Variants in FGF12 observed in about 807,000 individuals in gnomAD.
FGF12 encodes fibroblast growth factor 12.
FGF12 carries 14 observed loss-of-function variants against 23.6 expected under a neutral mutation model. The ratio of observed to expected loss-of-function variants is 0.59; its 90% CI spans 0.39 to 0.93. The LOEUF is 0.93. Among genes scored for constraint, FGF12 ranks in the 40% least tolerant of loss-of-function variants. FGF12 has a pLI of 0.00. For missense variants in FGF12, 175 were observed against 217.8 expected, an observed-to-expected ratio of 0.80 and a Z score of 1.24; for synonymous variants, 62 against 77.3, an observed-to-expected ratio of 0.80 and a Z score of 1.04.
At chr3:192,449,706 C>T (rs1423305613) in intron 2 of FGF12, among the ~76,000 whole-genome samples, 1 of 152,180 alleles carries the variant, frequency 6.6e-6, no homozygotes, top group Non-Finnish European at 1.5e-5. Context: ...GAGGGCAACA[C>T]CTCCCTATGG....
chr3:192,278,053 G>A (rs1713912087), intron 4 of FGF12, among the ~76,000 whole-genome samples: 1 of 152,270 alleles, frequency 6.6e-6, no homozygotes, highest in Non-Finnish European at 1.5e-5. Flanking sequence ...GAGACACCGC[G>A]CCCAGCCACA....
intron 4 of FGF12, among the ~76,000 whole-genome samples, chr3:192,295,219 T>C (rs1204847221): frequency 6.6e-6 from 1 of 152,214 alleles, no homozygotes; most frequent in East Asian, 1.9e-4. Flanking sequence ...TTGTACTTTT[T>C]GGTGTGGGTC....
intron 4 of FGF12, among the ~76,000 whole-genome samples, chr3:192,233,825 G>A (rs1272505143): frequency 1.3e-5 from 2 of 152,046 alleles, no homozygotes; most frequent in African/African-American, 2.4e-5. Flanking sequence ...GATTGTTAAT[G>A]GGCAGCTTTG....
chr3:192,642,086 C>T lies in FGF12; in HGVS notation c.13+85095G>A, dbSNP rs114206694. On this transcript the variant is annotated intron_variant, in intron 2 of 5. Coordinates refer to ENST00000445105, the MANE Select transcript of FGF12 (RefSeq NM_004113.6). ...TGTGTTTTGGTTATACATCCATGGGCTTATCAAACTGTTTCATCAAGGATA... is the reference window on the plus strand; with the variant it reads ...TGTGTTTTGGTTATACATCCATGGGTTTATCAAACTGTTTCATCAAGGATA... Among the ~76,000 whole-genome samples the T allele has an allele frequency of 7.4e-3, 1,122 of 152,338 alleles. 15 individuals carry two copies. Among genetic ancestry groups the T allele is most frequent in the African/African-American group, 0.026 (1,077 of 41,576 alleles).
Position 192,336,529 on chromosome 3 carries a change from G to C in FGF12, c.125-1065C>G, listed in dbSNP as rs13081106. Among the ~76,000 whole-genome samples, 2 of 151,856 alleles carry C rather than the reference G, an allele frequency of 1.3e-5. No individual in the cohort carries two copies. The highest frequency in any genetic ancestry group is 4.8e-5 in the African/African-American group (2 of 41,390). On this transcript the variant is annotated intron_variant, in intron 3 of 5. Transcript: ENST00000445105. This position sits in a 1 kb window ranked among gnomAD's most constrained non-coding sequence, Gnocchi z 4.3. Reference sequence around the variant, plus strand: ...CATATGGAAGAAAAGCAATCATATAGTTAGGCTCTATAGATGGCAACATGG... The same window carrying C: ...CATATGGAAGAAAAGCAATCATATACTTAGGCTCTATAGATGGCAACATGG...
Position 192,360,384 on chromosome 3 carries a change from A to C in FGF12, c.124+44T>G. ...TTAAGTATAAGATACACTGGGCCCT[A>C]CATTTGATTTGTAATCAGATTGTAA... On this transcript the variant is annotated intron_variant, in intron 3 of 5. Coordinates refer to ENST00000445105, the MANE Select transcript of FGF12 (RefSeq NM_004113.6). The surrounding 1 kb of genome is among the most constrained non-coding windows in gnomAD (Gnocchi z 4.3). The C allele has an allele frequency of 7.4e-7, 1 of 1,345,956 alleles. No individual in the cohort carries two copies. Among genetic ancestry groups the C allele is most frequent in the East Asian group, 2.3e-5 (1 of 43,468 alleles). The allele number at this position is 1,345,956 out of a possible 1,614,324, so 83.4% of individuals were successfully genotyped here.
chr3:192,509,150 GA>G (rs1339424391), intron 2 of FGF12, among the ~76,000 whole-genome samples: 1 of 152,104 alleles, frequency 6.6e-6, no homozygotes, highest in East Asian at 1.9e-4. Flanking sequence ...GAGAGGGAAA[GA>G]AAGAAGGGAG....
At chr3:192,660,694 A>G (rs1716631742) in intron 2 of FGF12, among the ~76,000 whole-genome samples, 3 of 152,208 alleles carry the variant, frequency 2.0e-5, no homozygotes, top group Non-Finnish European at 4.4e-5. Context: ...TATCTTCTAC[A>G]TTGGAAGCAG....
chr3:192,389,341 T>A (rs954598675), intron 2 of FGF12, among the ~76,000 whole-genome samples: 1 of 152,166 alleles, frequency 6.6e-6, no homozygotes, highest in Non-Finnish European at 1.5e-5. Flanking sequence ...CCAGCCTGGC[T>A]ACAGAGTGAG....
chr3:192,182,319 A>G (rs1487166986), intron 4 of FGF12, among the ~76,000 whole-genome samples: 4 of 152,178 alleles, frequency 2.6e-5, no homozygotes, highest in Non-Finnish European at 4.4e-5. Flanking sequence ...GTCAAGTACA[A>G]TTAATGTACT....
In FGF12 at chr3:192,409,622, G is replaced by A. The variant is rs1046285903; in HGVS notation, c.14-49084C>T. Among the ~76,000 whole-genome samples, 1 of 152,170 alleles carries A rather than the reference G, an allele frequency of 6.6e-6. No homozygotes were observed. Reference sequence around the variant, plus strand: ...TGACCCGCGCGCTGCGAATACCCGCGCGTCCGCTCGGGTGGGGCGGGGGCT... The same window carrying A: ...TGACCCGCGCGCTGCGAATACCCGCACGTCCGCTCGGGTGGGGCGGGGGCT... On this transcript the variant is annotated intron_variant, in intron 2 of 5. Transcript: ENST00000445105. The surrounding 1 kb of genome is among the most constrained non-coding windows in gnomAD (Gnocchi z 4.8).
At chr3:192,369,484 T>A (rs180688783) in intron 2 of FGF12, among the ~76,000 whole-genome samples, 1 of 152,182 alleles carries the variant, frequency 6.6e-6, no homozygotes, top group Non-Finnish European at 1.5e-5. Context: ...CAAAGCTACA[T>A]GGAAAGAAAA....
chr3:192,495,842 T>C (rs957733535), intron 2 of FGF12, among the ~76,000 whole-genome samples: 3 of 152,064 alleles, frequency 2.0e-5, no homozygotes, highest in Admixed American at 1.3e-4. Context: ...TTTATATATA[T>C]ATTTATATAC....
At chr3:192,499,215 T>C (rs1724047362) in intron 2 of FGF12, among the ~76,000 whole-genome samples, 1 of 152,058 alleles carries the variant, frequency 6.6e-6, no homozygotes, top group South Asian at 2.1e-4. Flanking sequence ...GAAGCAAGGA[T>C]GATCATAATC....
At position 192,143,794 on chromosome 3, in the gene FGF12, G is replaced by T; in HGVS notation, c.*215C>A. The T allele has an allele frequency of 2.1e-6, 1 of 483,526 alleles. No homozygotes were observed. The highest frequency in any genetic ancestry group is 3.4e-5 in the South Asian group (1 of 29,558). 30.0% of individuals were successfully genotyped at this position (483,526 alleles called of 1,614,324 possible). On this transcript the variant is annotated 3_prime_UTR_variant, in exon 6 of 6. Coordinates refer to ENST00000445105, the MANE Select transcript of FGF12 (RefSeq NM_004113.6). ...TGCTTTTAAGTGTGCTAATCTTTGT[G>T]CACGTGAATTTTCTACCACATTGCA... is the stretch of plus-strand genomic sequence containing the variant.
intron 3 of FGF12, among the ~76,000 whole-genome samples, chr3:192,345,830 C>A (rs772678594): frequency 6.6e-6 from 1 of 152,088 alleles, no homozygotes; most frequent in Non-Finnish European, 1.5e-5. Context: ...CCATCCTGCT[C>A]AAAAGGTAAA....
intron 4 of FGF12, among the ~76,000 whole-genome samples, chr3:192,249,541 T>G (rs1479141250): frequency 1.3e-5 from 2 of 151,532 alleles, no homozygotes; most frequent in African/African-American, 2.4e-5. Flanking sequence ...AGAGAGGAGT[T>G]TTTTTTTTCT....
chr3:192,714,183 T>C (rs1207186890), intron 2 of FGF12, among the ~76,000 whole-genome samples: 2 of 152,194 alleles, frequency 1.3e-5, no homozygotes, highest in East Asian at 3.8e-4. Flanking sequence ...GATAAGGAAA[T>C]CCAGGATTAT....
At chr3:192,725,154 G>A (rs1719167712) in intron 2 of FGF12, among the ~76,000 whole-genome samples, 1 of 152,170 alleles carries the variant, frequency 6.6e-6, no homozygotes, top group African/African-American at 2.4e-5. Flanking sequence ...CGTTAGCTGT[G>A]CCATTTGCAC....
Sources: allele counts gnomAD v4.1 joint callset (sites outside exome capture counted in the v4.1 genomes callset), GRCh38; gene constraint gnomAD v4.1.1; non-coding constraint Gnocchi (gnomAD v3.1); transcripts MANE v1.5; gene names NCBI Gene and HGNC (gene_info 2026-07-23, HGNC 2026-07-21).